The following PTGER3 variants were observed in gnomAD, a reference collection of about 807,000 sequenced individuals.
PTGER3 encodes the protein prostaglandin E2 receptor EP3 subtype.
In PTGER3, 22 loss-of-function variants were observed where a neutral mutation model predicts 34.7. The observed-to-expected ratio is 0.63, with a 90% CI of 0.45 to 0.91. The LOEUF (loss-of-function observed/expected upper bound fraction) is 0.91, where lower values mean the gene tolerates loss of function less well. PTGER3 is among the 40% of genes least tolerant of loss of function. PTGER3 has a pLI of 0.00. For synonymous variants in PTGER3, 241 were observed against 230.1 expected (o/e 1.05, Z -0.43); for missense variants, 468 against 519.4 (o/e 0.90, Z 0.96).
At chr1:70,895,582 A>C (rs777601243) in intron 4 of PTGER3, among the ~76,000 whole-genome samples, 1 of 152,238 alleles carries the variant, frequency 6.6e-6, no homozygotes, top group Non-Finnish European at 1.5e-5. Flanking sequence ...CAAAAAATAA[A>C]AATAAATAAA....
At chr1:70,925,824 G>A (rs150064461) in intron 4 of PTGER3, among the ~76,000 whole-genome samples, 166 of 152,278 alleles carry the variant, frequency 1.1e-3, no homozygotes, top group African/African-American at 3.8e-3. Flanking sequence ...GTTCTAGGAT[G>A]TAAGTCGGTA....
chr1:70,955,428 T>G (rs1378786759), intron 2 of PTGER3, among the ~76,000 whole-genome samples: 1 of 151,960 alleles, frequency 6.6e-6, no homozygotes, highest in African/African-American at 2.4e-5. Context: ...TAGTGCACAA[T>G]CAAGTGGATT....
At chr1:71,007,418 G>A (rs1318519051) in intron 2 of PTGER3, 1 of 985,506 alleles carries the variant, frequency 1.0e-6, no homozygotes, top group Non-Finnish European at 1.2e-6. Context: ...ATAATGGCCT[G>A]AGTGAACTTA....
intron 4 of PTGER3, among the ~76,000 whole-genome samples, chr1:70,874,195 G>A (rs1229912860): frequency 6.6e-6 from 1 of 152,166 alleles, no homozygotes; most frequent in African/African-American, 2.4e-5. Flanking sequence ...AAGTGGAGCT[G>A]GGGCCAAACT....
At chr1:70,874,495 A>T (rs1040630519) in intron 4 of PTGER3, among the ~76,000 whole-genome samples, 3 of 151,616 alleles carry the variant, frequency 2.0e-5, no homozygotes, top group African/African-American at 7.3e-5. Context: ...ATTTGTTTTT[A>T]TGTCATTGGT....
chr1:70,957,691 G>A (rs1474706400), intron 2 of PTGER3, among the ~76,000 whole-genome samples: 2 of 151,978 alleles, frequency 1.3e-5, no homozygotes, highest in East Asian at 1.9e-4. Flanking sequence ...ACATTTCTTT[G>A]TGGTGACAAC....
Position 70,892,552 on chromosome 1 carries a change from T to A in PTGER3, c.*24-39693A>T, listed in dbSNP as rs992558133. ...ATCCCCTGTCTTCTTCCTCTACATA[T>A]TGTAACCTCCTTAGGAGGTGGCTCA... On this transcript the variant is annotated intron_variant, in intron 4 of 4. Transcript: ENST00000370931. Among the ~76,000 whole-genome samples the A allele has an allele frequency of 4.6e-5, 7 of 152,106 alleles. No individual in the cohort carries two copies. In the South Asian group the frequency reaches 6.2e-4, roughly 14 times the overall value.
chr1:70,949,588 G>T (rs1216950587), downstream of PTGER3, among the ~76,000 whole-genome samples: 1 of 152,138 alleles, frequency 6.6e-6, no homozygotes, highest in Non-Finnish European at 1.5e-5. Context: ...GGAAAGCAAT[G>T]AAATGCATCA....
chr1:70,970,954 G>C lies in PTGER3; in HGVS notation c.*776C>G. 1.0e-6 allele frequency: 1 copy of C among 985,358 alleles called. No homozygotes were observed. The highest frequency in any genetic ancestry group is 1.2e-6 in the Non-Finnish European group (1 of 829,924). 61.0% of individuals were successfully genotyped at this position (985,358 alleles called of 1,614,324 possible). On this transcript the variant is annotated 3_prime_UTR_variant, in exon 4 of 4. Coordinates refer to ENST00000306666, the MANE Select transcript of PTGER3 (RefSeq NM_198719.2). ...ATCCTGACTTGGTCATGGTGAATCA[G>C]AAGGCCTACCTGGATTTTTTTATCA...
At chr1:70,905,519 G>A (rs536678647) in intron 4 of PTGER3, among the ~76,000 whole-genome samples, 10 of 152,250 alleles carry the variant, frequency 6.6e-5, no homozygotes, top group South Asian at 4.1e-4. Context: ...GCATCACAGA[G>A]ACCTGAATGT....
intron 4 of PTGER3, among the ~76,000 whole-genome samples, chr1:70,900,152 A>G (rs186571379): frequency 1.6e-3 from 239 of 152,198 alleles, no homozygotes; most frequent in African/African-American, 5.3e-3. Flanking sequence ...GATTGCCTTT[A>G]CTTTTATCTT....
At chr1:70,890,807 G>A (rs1456947200) in intron 4 of PTGER3, among the ~76,000 whole-genome samples, 1 of 152,094 alleles carries the variant, frequency 6.6e-6, no homozygotes, top group Non-Finnish European at 1.5e-5. Flanking sequence ...AAACTCCTAA[G>A]GCTGGCATAA....
chr1:71,015,864 G>T (rs1000861798), intron 1 of PTGER3, among the ~76,000 whole-genome samples: 2 of 152,040 alleles, frequency 1.3e-5, no homozygotes, highest in Non-Finnish European at 2.9e-5. Context: ...ATTCTTAAAC[G>T]AATCCCTGGC....
chr1:70,990,483 T>A (rs972563116), intron 2 of PTGER3, among the ~76,000 whole-genome samples: 13 of 150,138 alleles, frequency 8.7e-5, no homozygotes, highest in Admixed American at 3.3e-4. Context: ...TACACATATA[T>A]GCATTTTATA....
chr1:71,005,362 A>G (rs1317332924), intron 2 of PTGER3, among the ~76,000 whole-genome samples: 1 of 152,194 alleles, frequency 6.6e-6, no homozygotes, highest in Non-Finnish European at 1.5e-5. Flanking sequence ...GAAGTGAAAA[A>G]ATATCCTACA....
At chr1:70,865,430 C>A (rs1646019648) in intron 4 of PTGER3, among the ~76,000 whole-genome samples, 1 of 152,014 alleles carries the variant, frequency 6.6e-6, no homozygotes. Flanking sequence ...ATGAGGGACC[C>A]CTTTAAGGAA....
At chr1:71,043,099 T>C (rs1030343426) in intron 1 of PTGER3, among the ~76,000 whole-genome samples, 1 of 152,230 alleles carries the variant, frequency 6.6e-6, no homozygotes, top group African/African-American at 2.4e-5. Context: ...CCTAAGGTTA[T>C]TCCCATTTCT....
At chr1:70,854,619 C>T (rs535250628) in intron 4 of PTGER3, among the ~76,000 whole-genome samples, 1 of 152,142 alleles carries the variant, frequency 6.6e-6, no homozygotes, top group Non-Finnish European at 1.5e-5. Flanking sequence ...CGGTCTCTAT[C>T]CTGCTGCACC....
At chr1:71,033,238 T>A (rs1393991445) in intron 1 of PTGER3, among the ~76,000 whole-genome samples, 1 of 152,050 alleles carries the variant, frequency 6.6e-6, no homozygotes, top group Non-Finnish European at 1.5e-5. Context: ...AGGACAGGGA[T>A]TAGAGAAATT....
Sources: allele counts gnomAD v4.1 joint callset (sites outside exome capture counted in the v4.1 genomes callset), GRCh38; gene constraint gnomAD v4.1.1; transcripts MANE v1.5; gene names NCBI Gene and HGNC (gene_info 2026-07-23, HGNC 2026-07-21).